Variants in KLLN observed in about 807,000 individuals in gnomAD.
KLLN encodes the protein killin, p53 regulated DNA replication inhibitor, also known as killin.
For synonymous variants in KLLN, 142 were observed against 102.2 expected, an observed-to-expected ratio of 1.39 and a Z score of -2.35; for missense variants, 340 against 241.3, an observed-to-expected ratio of 1.41 and a Z score of -2.71.
At position 87,859,589 on chromosome 10, in the gene KLLN, C is replaced by T. The variant is rs2132134621; in HGVS notation, c.*2362G>A. ...TGTAGTAACAATAGAGTTTTGGAAT[C>T]AGCTGTTAGAAGCGATAATTAAAGC... On this transcript the variant is annotated 3_prime_UTR_variant, in exon 1 of 1. Transcript: ENST00000445946. 1 of 152,244 alleles carries T rather than the reference C, an allele frequency of 6.6e-6. No individual in the cohort carries two copies. Among genetic ancestry groups the T allele is most frequent in the Non-Finnish European group, 1.5e-5 (1 of 68,022 alleles). The allele number at this position is 152,244 out of a possible 1,614,324, so 9.4% of individuals were successfully genotyped here.
Position 87,862,187 on chromosome 10 carries a change from G to C in KLLN, c.301C>G (p.Gln101Glu). 6.4e-7 allele frequency: 1 copy of C among 1,551,350 alleles called. No individual in the cohort carries two copies. Among genetic ancestry groups the C allele is most frequent in the Non-Finnish European group, 8.7e-7 (1 of 1,146,988 alleles). The change falls in exon 1 of 1, where the codon CAG becomes GAG. Residue 101 changes from glutamine to glutamate, a missense_variant. Physicochemically the swap from Gln to Glu is conservative, Grantham distance 29. Transcript: ENST00000445946. ...GCGCAGGAAGGGTTGGGGTTCCGCTGCCTGCACCAGGCAAGAGCACCCCGA... is the reference window on the plus strand; with the variant it reads ...GCGCAGGAAGGGTTGGGGTTCCGCTCCCTGCACCAGGCAAGAGCACCCCGA... ...FARGALAWCR[Q>E]RNPNPSCAAA...
Position 87,861,875 on chromosome 10 carries a change from T to C in KLLN, c.*76A>G, listed in dbSNP as rs1226244257. The C allele has an allele frequency of 2.2e-5, 30 of 1,387,736 alleles. No homozygotes were observed. The East Asian group carries it at 4.8e-4, about 22-fold the overall frequency. The allele number at this position is 1,387,736 out of a possible 1,614,324, so 86.0% of individuals were successfully genotyped here. Reference sequence around the variant, plus strand: ...CAGCGATGGAGAGGCCCGAGAGCCCTAGCGCCCAGCTCCTTTTCCCACGTT... The same window carrying C: ...CAGCGATGGAGAGGCCCGAGAGCCCCAGCGCCCAGCTCCTTTTCCCACGTT... On this transcript the variant is annotated 3_prime_UTR_variant, in exon 1 of 1. Coordinates refer to ENST00000445946, the MANE Select transcript of KLLN (RefSeq NM_001126049.2).
rs1474968095 is a variant in KLLN, at chr10:87,859,532, A to C, written c.*2419T>G. 2.0e-5 allele frequency: 3 copies of C among 152,176 alleles called. No homozygotes were observed. The highest frequency in any genetic ancestry group is 4.4e-5 in the Non-Finnish European group (3 of 68,042). The allele number at this position is 152,176 out of a possible 1,614,324, so 9.4% of individuals were successfully genotyped here. A position where few individuals can be genotyped will look rare whatever the true frequency, so the allele number is the denominator to read the frequency against. On this transcript the variant is annotated 3_prime_UTR_variant, in exon 1 of 1. Transcript: ENST00000445946. ...GGTCATTTCGCTTATCAAAGAAAAT[A>C]AGAAAGAAATTTTCTTTCGACATTA...
In KLLN at chr10:87,862,165, C is replaced by T; in HGVS notation, c.323G>A (p.Cys108Tyr). The change falls in exon 1 of 1, where the codon TGC becomes TAC. Residue 108 changes from cysteine (C) to tyrosine (Y), a missense_variant. By Grantham distance (194) the Cys-to-Tyr change is radical (BLOSUM62 -2). Transcript: ENST00000445946. ...CCGAGCCCCTGTTTCCGCCGCGGCG[C>T]AGGAAGGGTTGGGGTTCCGCTGCCT... ...WCRQRNPNPSCAAAETGARTS... is the reference protein window; with the variant it reads ...WCRQRNPNPSYAAAETGARTS... 6.4e-7 allele frequency: 1 copy of T among 1,551,468 alleles called. No individual in the cohort carries two copies.
chr10:87,862,930 A>T lies in KLLN; in HGVS notation c.-443T>A, dbSNP rs931462436. On this transcript the variant is annotated 5_prime_UTR_variant, in exon 1 of 1. Transcript: ENST00000445946. ...GGAATCTCTAGGCAAAGGCTGTTAC[A>T]GTCAAATCTCTGCGAACGATTGTGA... The T allele has an allele frequency of 5.0e-6, 1 of 200,776 alleles. No homozygotes were observed. The highest frequency in any genetic ancestry group is 1.1e-5 in the Non-Finnish European group (1 of 87,970). The allele number at this position is 200,776 out of a possible 1,614,324, so 12.4% of individuals were successfully genotyped here. A position where few individuals can be genotyped will look rare whatever the true frequency, so the allele number is the denominator to read the frequency against.
At position 87,861,926 on chromosome 10, in the gene KLLN, T is replaced by C. The variant is rs1038101433; in HGVS notation, c.*25A>G. ...TGGGAAGGCGCAGAATAGGTCGATG[T>C]AGAGCAAGGAGTGAGTCTCAGGTCT... On this transcript the variant is annotated 3_prime_UTR_variant, in exon 1 of 1. Transcript: ENST00000445946. 8.3e-6 allele frequency: 12 copies of C among 1,452,142 alleles called. No homozygotes were observed. The highest frequency in any genetic ancestry group is 5.0e-5 in the East Asian group (2 of 40,042). The allele number at this position is 1,452,142 out of a possible 1,614,324, so 90.0% of individuals were successfully genotyped here.
rs376068536 is a variant in KLLN, at chr10:87,862,490, T to C, written c.-3A>G. 2 of 1,538,956 alleles carry C rather than the reference T, an allele frequency of 1.3e-6. No individual in the cohort carries two copies. Among genetic ancestry groups the C allele is most frequent in the Admixed American group, 2.0e-5 (1 of 49,280 alleles). On this transcript the variant is annotated 5_prime_UTR_variant, in exon 1 of 1. Transcript: ENST00000445946. ...GAGCCTGGCCCCGGGCGATCCATCC[T>C]GCCGGGTTTTCACGGCGGCCAAGGG...
In KLLN at chr10:87,859,877, T is replaced by G. The variant is rs1858228182; in HGVS notation, c.*2074A>C. On this transcript the variant is annotated 3_prime_UTR_variant, in exon 1 of 1. Coordinates refer to ENST00000445946, the MANE Select transcript of KLLN (RefSeq NM_001126049.2). ...CCTGTCTTTACTAAACTACAAAAAA[T>G]TAGCCCGGCATGATGGTGTGCGCCT... 1 of 151,734 alleles carries G rather than the reference T, an allele frequency of 6.6e-6. No individual in the cohort carries two copies. Among genetic ancestry groups the G allele is most frequent in the African/African-American group, 2.4e-5 (1 of 41,202 alleles). 9.4% of individuals were successfully genotyped at this position (151,734 alleles called of 1,614,324 possible).
chr10:87,862,515 G>A lies in KLLN; in HGVS notation c.-28C>T. 2.0e-6 allele frequency: 3 copies of A among 1,529,114 alleles called. No individual in the cohort carries two copies. The highest frequency in any genetic ancestry group is 1.8e-6 in the Non-Finnish European group (2 of 1,133,598). The allele number at this position is 1,529,114 out of a possible 1,614,324, so 94.7% of individuals were successfully genotyped here. A position where few individuals can be genotyped will look rare whatever the true frequency, so the allele number is the denominator to read the frequency against. ...TGCCGGGTTTTCACGGCGGCCAAGGGGGGGCGGGGCTAGGTGGTCTCTGAG... is the reference window on the plus strand; with the variant it reads ...TGCCGGGTTTTCACGGCGGCCAAGGAGGGGCGGGGCTAGGTGGTCTCTGAG... On this transcript the variant is annotated 5_prime_UTR_variant, in exon 1 of 1. Transcript: ENST00000445946.
chr10:87,861,704 G>GA lies in KLLN; in HGVS notation c.*246dup, dbSNP rs747190523. On this transcript the variant is annotated 3_prime_UTR_variant, in exon 1 of 1. Transcript: ENST00000445946. The stretch of plus-strand genomic sequence containing the variant: ...CTCAGACCAGATAAGTCACTTGGCT[G>GA]AGTCCACAGTAGGTGGGGCGCGCTC... 23 of 433,914 alleles carry GA rather than the reference G, an allele frequency of 5.3e-5. No homozygotes were observed. The highest frequency in any genetic ancestry group is 7.7e-5 in the Non-Finnish European group (19 of 245,216). 26.9% of individuals were successfully genotyped at this position (433,914 alleles called of 1,614,324 possible).
Position 87,862,312 on chromosome 10 carries a change from G to T in KLLN, c.176C>A (p.Thr59Asn). ...RWKDTRATVG[T>N]TFRRRSRVSL... ...CACACGTGACCTCCTTCGGAAAGTAGTTCCGACTGTGGCCCGTGTATCCTT... is the reference window on the plus strand; with the variant it reads ...CACACGTGACCTCCTTCGGAAAGTATTTCCGACTGTGGCCCGTGTATCCTT... Residue 59 changes from threonine (T) to asparagine (N), a missense_variant, in exon 1 of 1, where the codon ACT (threonine) becomes AAT (asparagine). Coordinates refer to ENST00000445946, the MANE Select transcript of KLLN (RefSeq NM_001126049.2). The T allele has an allele frequency of 6.4e-7, 1 of 1,551,762 alleles. No homozygotes were observed. Among genetic ancestry groups the T allele is most frequent in the East Asian group, 2.4e-5 (1 of 40,922 alleles).
rs1182293782 is a variant in KLLN at position 87,860,541 on chromosome 10, A to G, written c.*1410T>C. ...CAAGAGGATTCTGTCGCACCAGGAC[A>G]GGAATGCACCCTTGTTTCATTTGCT... On this transcript the variant is annotated 3_prime_UTR_variant, in exon 1 of 1. Coordinates refer to ENST00000445946, the MANE Select transcript of KLLN (RefSeq NM_001126049.2). 1 of 152,260 alleles carries G rather than the reference A, an allele frequency of 6.6e-6. No individual in the cohort carries two copies. Among genetic ancestry groups the G allele is most frequent in the African/African-American group, 2.4e-5 (1 of 41,466 alleles). 9.4% of individuals were successfully genotyped at this position (152,260 alleles called of 1,614,324 possible). A position where few individuals can be genotyped will look rare whatever the true frequency, so the allele number is the denominator to read the frequency against.
Position 87,862,424 on chromosome 10 carries a change from C to T in KLLN, c.64G>A (p.Val22Ile), listed in dbSNP as rs1306544787. 1 of 1,551,540 alleles carries T rather than the reference C, an allele frequency of 6.4e-7. No individual in the cohort carries two copies. Among genetic ancestry groups the T allele is most frequent in the Non-Finnish European group, 8.7e-7 (1 of 1,146,980 alleles). Residue 22 changes from valine (V) to isoleucine (I), a missense_variant, in exon 1 of 1, where the codon GTT becomes ATT. Coordinates refer to ENST00000445946, the MANE Select transcript of KLLN (RefSeq NM_001126049.2). The stretch of plus-strand genomic sequence containing the variant: ...CTACCGTTCCGTACTTTCCACTCAA[C>T]CCGGTAACCCCAAACGTGCACGGTC... Reference protein sequence around the residue: ...GRTVHVWGYRVEWKVRNGRKL... With the variant: ...GRTVHVWGYRIEWKVRNGRKL...
In KLLN at chr10:87,861,851, A is replaced by G; in HGVS notation, c.*100T>C. 1 of 1,141,412 alleles carries G rather than the reference A, an allele frequency of 8.8e-7. No individual in the cohort carries two copies. Among genetic ancestry groups the G allele is most frequent in the Non-Finnish European group, 1.2e-6 (1 of 826,936 alleles). 70.7% of individuals were successfully genotyped at this position (1,141,412 alleles called of 1,614,324 possible). A position where few individuals can be genotyped will look rare whatever the true frequency, so the allele number is the denominator to read the frequency against. ...GGTTCACCCTAAGCGGCAGGGCATC[A>G]GCGATGGAGAGGCCCGAGAGCCCTA... On this transcript the variant is annotated 3_prime_UTR_variant, in exon 1 of 1. Transcript: ENST00000445946.
chr10:87,862,195 C>T, the KLLN span: 1 of 1,551,628 alleles, frequency 6.4e-7, no homozygotes, highest in Admixed American at 2.0e-5. Context: ...CTGCCTGCAC[C>T]AGGCAAGAGC....
rs564991821 is a variant in KLLN, at chr10:87,861,265, A to G, written c.*686T>C. ...GAGGTTGCCTGCAACTATGATGTGC[A>G]CATATACAGTACTCTTTCTCAAATA... On this transcript the variant is annotated 3_prime_UTR_variant, in exon 1 of 1. Coordinates refer to ENST00000445946, the MANE Select transcript of KLLN (RefSeq NM_001126049.2). The G allele has an allele frequency of 6.6e-6, 1 of 152,368 alleles. No homozygotes were observed. The highest frequency in any genetic ancestry group is 2.4e-5 in the African/African-American group (1 of 41,580). 9.4% of individuals were successfully genotyped at this position (152,368 alleles called of 1,614,324 possible).
rs144620057 is a variant in KLLN, at chr10:87,863,410, C to G, written c.-923G>C. Reference sequence around the variant, plus strand: ...CGCACCCAGAGCTACCGCTCTGCCCCCTCCTACCGCCCCCTGCCCTGCCCT... The same window carrying G: ...CGCACCCAGAGCTACCGCTCTGCCCGCTCCTACCGCCCCCTGCCCTGCCCT... On this transcript the variant is annotated 5_prime_UTR_variant, in exon 1 of 1. Coordinates refer to ENST00000445946, the MANE Select transcript of KLLN (RefSeq NM_001126049.2). 2.3e-3 allele frequency: 840 copies of G among 366,450 alleles called. 9 individuals carry two copies. Among genetic ancestry groups the G allele is most frequent in the African/African-American group, 0.016 (749 of 47,616 alleles). The allele number at this position is 366,450 out of a possible 1,614,324, so 22.7% of individuals were successfully genotyped here. A position where few individuals can be genotyped will look rare whatever the true frequency, so the allele number is the denominator to read the frequency against.
In KLLN at chr10:87,859,648, T is replaced by C. The variant is rs1037955781; in HGVS notation, c.*2303A>G. ...CATGCTTACTAATCAATCTACATAG[T>C]CACCCTGAAGCTTTATATAATTGTC... is the stretch of plus-strand genomic sequence containing the variant. On this transcript the variant is annotated 3_prime_UTR_variant, in exon 1 of 1. Transcript: ENST00000445946. 1.3e-5 allele frequency: 2 copies of C among 152,166 alleles called. No homozygotes were observed. The highest frequency in any genetic ancestry group is 2.9e-5 in the Non-Finnish European group (2 of 68,030). 9.4% of individuals were successfully genotyped at this position (152,166 alleles called of 1,614,324 possible).
rs1858261645 is a variant in KLLN at position 87,861,852 on chromosome 10, G to A, written c.*99C>T. 8.6e-7 allele frequency: 1 copy of A among 1,162,220 alleles called. No individual in the cohort carries two copies. Among genetic ancestry groups the A allele is most frequent in the African/African-American group, 1.6e-5 (1 of 64,440 alleles). 72.0% of individuals were successfully genotyped at this position (1,162,220 alleles called of 1,614,324 possible). A position where few individuals can be genotyped will look rare whatever the true frequency, so the allele number is the denominator to read the frequency against. On this transcript the variant is annotated 3_prime_UTR_variant, in exon 1 of 1. Transcript: ENST00000445946. ...GTTCACCCTAAGCGGCAGGGCATCA[G>A]CGATGGAGAGGCCCGAGAGCCCTAG...
Sources: allele counts gnomAD v4.1 joint callset, GRCh38; gene constraint gnomAD v4.1.1; transcripts MANE v1.5; gene names NCBI Gene and HGNC (gene_info 2026-07-23, HGNC 2026-07-21).